Variants in SYNJ1 observed in about 807,000 individuals in gnomAD.
SYNJ1 encodes polyphosphatidylinositol phosphatase SYNJ1.
A neutral mutation model predicts 168.2 loss-of-function variants in SYNJ1; 78 were observed. The ratio of observed to expected loss-of-function variants is 0.46; its 90% CI spans 0.39 to 0.56. The LOEUF (loss-of-function observed/expected upper bound fraction) is 0.56, where lower values mean the gene tolerates loss of function less well. SYNJ1 is among the 20% of genes least tolerant of loss of function. The pLI is 0.00. For synonymous variants in SYNJ1, 539 were observed against 548.6 expected (o/e 0.98, Z 0.24); for missense variants, 1,303 against 1,597.6 (o/e 0.82, Z 3.14).
intron 18 of SYNJ1, among the ~76,000 whole-genome samples, chr21:32,661,139 T>C (rs951803472): frequency 6.6e-6 from 1 of 152,174 alleles, no homozygotes; most frequent in Non-Finnish European, 1.5e-5. Flanking sequence ...GTGCCACAGT[T>C]GCTGAGAGCC....
intron 7 of SYNJ1, 137 bp downstream of exon 7, chr21:32,688,169 T>A: frequency 1.3e-6 from 1 of 748,956 alleles, no homozygotes; most frequent in Non-Finnish European, 2.2e-6. Flanking sequence ...ACACTAGGTG[T>A]CACTGTCTTT....
intron 22 of SYNJ1, among the ~76,000 whole-genome samples, chr21:32,650,556 G>T (rs1259452328): frequency 2.6e-5 from 4 of 152,180 alleles, no homozygotes; most frequent in Non-Finnish European, 5.9e-5. Context: ...CACCTGTGGT[G>T]ATAAATAAAG....
At chr21:32,670,886 C>T (rs1386877315) in intron 14 of SYNJ1, 2 of 853,884 alleles carry the variant, frequency 2.3e-6, no homozygotes, top group African/African-American at 1.8e-5. Context: ...AAGTAAGACA[C>T]ATCACTCTGT....
chr21:32,666,382 T>C (rs2040933758), intron 16 of SYNJ1, 51 bp downstream of exon 16: 1 of 1,562,702 alleles, frequency 6.4e-7, no homozygotes, highest in African/African-American at 1.4e-5. Flanking sequence ...GGCTTTTTTC[T>C]TGTTATTTAA....
intron 2 of SYNJ1, among the ~76,000 whole-genome samples, chr21:32,703,737 ATTT>A (rs901810103): frequency 6.8e-6 from 1 of 146,864 alleles, no homozygotes. Flanking sequence ...TTTTATTTTT[ATTT>A]TTTTTTTTTG....
intron 21 of SYNJ1, among the ~76,000 whole-genome samples, chr21:32,654,959 T>C (rs2040405089): frequency 6.6e-6 from 1 of 152,208 alleles, no homozygotes; most frequent in Non-Finnish European, 1.5e-5. Context: ...TGACTTTCAG[T>C]GTTTGCTTTT....
rs1199942859 is a variant in SYNJ1 at position 32,699,869 on chromosome 21, G to T, written c.448C>A (p.Gln150Lys). The stretch of plus-strand genomic sequence containing the variant: ...AATCTATTATCAGTTGTCTGTTCTT[G>T]CATGCTACGATGCGCATTAAGACTC... ...DLSLNAHRSM[Q>K]EQTTDNRFFW... Residue 150 changes from glutamine to lysine, a missense_variant, in exon 4 of 33, where the codon CAA (glutamine) becomes AAA (lysine). By Grantham distance (53) the Gln-to-Lys change is moderately conservative (BLOSUM62 1). Coordinates refer to ENST00000674351, the MANE Select transcript of SYNJ1 (RefSeq NM_203446.3). 6.2e-7 allele frequency: 1 copy of T among 1,613,698 alleles called. No homozygotes were observed. The highest frequency in any genetic ancestry group is 1.7e-5 in the Admixed American group (1 of 59,946).
In SYNJ1 at chr21:32,638,897, A is replaced by C; in HGVS notation, c.3915+11T>G. On this transcript the variant is annotated intron_variant, in intron 31 of 32. Coordinates refer to ENST00000674351, the MANE Select transcript of SYNJ1 (RefSeq NM_203446.3). ...TCAAAGATAATATTTTGTGTAACAA[A>C]TGAGACTTACTTGCGGTTGTGAGGA... The C allele has an allele frequency of 6.3e-7, 1 of 1,585,654 alleles. No homozygotes were observed. The highest frequency in any genetic ancestry group is 8.6e-7 in the Non-Finnish European group (1 of 1,163,050).
At chr21:32,636,040 A>G (rs937687145) in intron 31 of SYNJ1, among the ~76,000 whole-genome samples, 3 of 152,218 alleles carry the variant, frequency 2.0e-5, no homozygotes, top group Non-Finnish European at 2.9e-5. Context: ...CCTAGTAAAC[A>G]TGAGACTCTT....
chr21:32,634,108 C>T, intron 32 of SYNJ1, among the ~76,000 whole-genome samples: 1 of 152,160 alleles, frequency 6.6e-6, no homozygotes, highest in Non-Finnish European at 1.5e-5. Context: ...GAATTTTGTG[C>T]TCTGCCAGCT....
Position 32,727,926 on chromosome 21 carries a change from C to G in SYNJ1, c.-23+20G>C, listed in dbSNP as rs1022879813. On this transcript the variant is annotated intron_variant, in intron 1 of 32. Coordinates refer to ENST00000674351, the MANE Select transcript of SYNJ1 (RefSeq NM_203446.3). ...TGGGTCTGGCCGCAGCAGCTCCCCGCCCCCCGCCGGCTTGCTCACCTCTTC... is the reference window on the plus strand; with the variant it reads ...TGGGTCTGGCCGCAGCAGCTCCCCGGCCCCCGCCGGCTTGCTCACCTCTTC... 1.3e-6 allele frequency: 2 copies of G among 1,531,864 alleles called. No homozygotes were observed. Among genetic ancestry groups the G allele is most frequent in the Non-Finnish European group, 1.7e-6 (2 of 1,145,536 alleles). The allele number at this position is 1,531,864 out of a possible 1,614,324, so 94.9% of individuals were successfully genotyped here. A position where few individuals can be genotyped will look rare whatever the true frequency, so the allele number is the denominator to read the frequency against.
intron 2 of SYNJ1, among the ~76,000 whole-genome samples, chr21:32,711,943 T>C (rs906958524): frequency 6.6e-6 from 1 of 152,232 alleles, no homozygotes; most frequent in African/African-American, 2.4e-5. Context: ...GTCACTTTCA[T>C]TTTACTTTAA....
chr21:32,673,511 T>G lies in SYNJ1; in HGVS notation c.1555A>C (p.Ser519Arg). Residue 519 changes from serine (S) to arginine (R), a missense_variant, in exon 14 of 33, where the codon AGC (serine) becomes CGC (arginine). Coordinates refer to ENST00000674351, the MANE Select transcript of SYNJ1 (RefSeq NM_203446.3). ...LQSASSKVLKSMCENFYKYSK... is the reference protein window; with the variant it reads ...LQSASSKVLKRMCENFYKYSK... Reference sequence around the variant, plus strand: ...TATTTGTAGAAATTCTCACACATGCTCTTTAGTACTTTAGAAGATGCTAAT... The same window carrying G: ...TATTTGTAGAAATTCTCACACATGCGCTTTAGTACTTTAGAAGATGCTAAT... 1 of 1,610,564 alleles carries G rather than the reference T, an allele frequency of 6.2e-7. No individual in the cohort carries two copies. The highest frequency in any genetic ancestry group is 1.1e-5 in the South Asian group (1 of 90,406).
At chr21:32,706,399 C>G (rs2042609791) in intron 2 of SYNJ1, among the ~76,000 whole-genome samples, 1 of 151,174 alleles carries the variant, frequency 6.6e-6, no homozygotes, top group African/African-American at 2.4e-5. Flanking sequence ...AAGAGAATGT[C>G]TTTCTAGGAA....
In SYNJ1 at chr21:32,727,938, T is replaced by A; in HGVS notation, c.-23+8A>T. 1 of 1,532,458 alleles carries A rather than the reference T, an allele frequency of 6.5e-7. No individual in the cohort carries two copies. Among genetic ancestry groups the A allele is most frequent in the South Asian group, 1.2e-5 (1 of 83,904 alleles). The allele number at this position is 1,532,458 out of a possible 1,614,324, so 94.9% of individuals were successfully genotyped here. ...CAGCAGCTCCCCGCCCCCCGCCGGC[T>A]TGCTCACCTCTTCCTCCGGCTCCTC... is the stretch of plus-strand genomic sequence containing the variant. On this transcript the variant is annotated splice_region_variant and intron_variant, in intron 1 of 32. Transcript: ENST00000674351.
rs1449222569 is a variant in SYNJ1, at chr21:32,670,299, A to G, written c.1800T>C (p.Ile600=). ...EEMVELNAGN[I]VSASTTNQKL... Reference sequence around the variant, plus strand: ...TGTGGCTAGCTTACCTTGCACTCACAATGTTTCCAGCATTCAATTCTACCA... The same window carrying G: ...TGTGGCTAGCTTACCTTGCACTCACGATGTTTCCAGCATTCAATTCTACCA... The change falls in exon 15 of 33, where the codon ATT becomes ATC. Residue 600 remains isoleucine, a synonymous_variant. Transcript: ENST00000674351. 2.5e-6 allele frequency: 4 copies of G among 1,613,436 alleles called. No homozygotes were observed. Among genetic ancestry groups the G allele is most frequent in the East Asian group, 2.2e-5 (1 of 44,816 alleles).
intron 1 of SYNJ1, among the ~76,000 whole-genome samples, chr21:32,727,500 G>A (rs1007464008): frequency 5.9e-5 from 9 of 152,234 alleles, no homozygotes; most frequent in African/African-American, 1.7e-4. Flanking sequence ...CGGCTGGGGG[G>A]ACGGCAGGCG....
At chr21:32,715,195 G>A (rs1036029691) in intron 2 of SYNJ1, among the ~76,000 whole-genome samples, 3 of 152,034 alleles carry the variant, frequency 2.0e-5, no homozygotes, top group African/African-American at 4.8e-5. Flanking sequence ...AAAAGAGGCC[G>A]GGCACGGTGG....
intron 21 of SYNJ1, chr21:32,653,662 G>A: frequency 3.9e-6 from 1 of 258,338 alleles, no homozygotes; most frequent in African/African-American, 2.2e-5. Flanking sequence ...TCATTGACAA[G>A]GCAAAAAGGG....
Sources: allele counts gnomAD v4.1 joint callset (sites outside exome capture counted in the v4.1 genomes callset), GRCh38; gene constraint gnomAD v4.1.1; transcripts MANE v1.5; gene names NCBI Gene and HGNC (gene_info 2026-07-23, HGNC 2026-07-21).